OPRM1: variants seen among roughly 807,000 people sequenced by gnomAD.
The protein encoded by OPRM1 is mu-type opioid receptor.
Under a neutral mutation model 31.8 loss-of-function variants are expected in OPRM1, and 27 were observed. The ratio of observed to expected loss-of-function variants is 0.85; its 90% confidence interval spans 0.63 to 1.17. OPRM1 has a LOEUF of 1.17. Among genes scored for constraint, OPRM1 ranks in the 50% most tolerant of loss-of-function variants. The pLI is 0.00. For missense variants in OPRM1, 536 were observed against 511.1 expected, an observed-to-expected ratio of 1.05 and a Z score of -0.47; for synonymous variants, 196 against 189.9, an observed-to-expected ratio of 1.03 and a Z score of -0.26.
intron 1 of OPRM1, among the ~76,000 whole-genome samples, chr6:154,029,865 G>A (rs1477098849): frequency 2.0e-5 from 3 of 152,162 alleles, no homozygotes; most frequent in Non-Finnish European, 4.4e-5. Context: ...GCCATGTGAA[G>A]AAGGACATGT....
intron 3 of OPRM1, among the ~76,000 whole-genome samples, chr6:154,244,481 A>G (rs962939427): frequency 6.6e-6 from 1 of 152,212 alleles, no homozygotes; most frequent in Non-Finnish European, 1.5e-5. Flanking sequence ...ACTGTATTCA[A>G]GTACATGCTT....
intron 3 of OPRM1, chr6:154,107,621 A>T (rs764701984): frequency 1.4e-6 from 1 of 718,488 alleles, no homozygotes; most frequent in South Asian, 1.5e-5. Context: ...TTTAGAGCTG[A>T]CTATGACATG....
intron 1 of OPRM1, among the ~76,000 whole-genome samples, chr6:154,078,881 A>AG (rs1554266127): frequency 6.3e-5 from 9 of 143,300 alleles, no homozygotes; most frequent in African/African-American, 2.2e-4. Context: ...TTATGTCAGG[A>AG]GGGGGAAAAA....
chr6:154,123,439 A>G lies in OPRM1; in HGVS notation c.*4718A>G, dbSNP rs769564020. Reference sequence around the variant, plus strand: ...GGCTGCTCCATTTTTGCCTGTAGCTATGATTTTTCAGGCAGCCTGCTTCTC... The same window carrying G: ...GGCTGCTCCATTTTTGCCTGTAGCTGTGATTTTTCAGGCAGCCTGCTTCTC... On this transcript the variant is annotated 3_prime_UTR_variant, in exon 4 of 4. Coordinates refer to ENST00000330432, the MANE Select transcript of OPRM1 (RefSeq NM_000914.5). Among the ~76,000 whole-genome samples the G allele has an allele frequency of 1.2e-3, 182 of 152,286 alleles. No homozygotes were observed. The highest frequency in any genetic ancestry group is 1.3e-3 in the Non-Finnish European group (91 of 68,016).
chr6:154,245,975 A>G (rs537155161), intron 3 of OPRM1, among the ~76,000 whole-genome samples: 6 of 152,342 alleles, frequency 3.9e-5, no homozygotes, highest in African/African-American at 1.4e-4. Context: ...CTAGGCAACT[A>G]TCTTTTCAAA....
At chr6:154,197,004 G>T (rs1776673222) in intron 3 of OPRM1, among the ~76,000 whole-genome samples, 1 of 152,122 alleles carries the variant, frequency 6.6e-6, no homozygotes, top group Non-Finnish European at 1.5e-5. Context: ...CTGTCTGCTT[G>T]TTTCAGGACT....
chr6:154,014,352 A>T (rs1038833573), intron 1 of OPRM1, among the ~76,000 whole-genome samples: 2 of 152,174 alleles, frequency 1.3e-5, no homozygotes, highest in Admixed American at 6.5e-5. Flanking sequence ...ATTATGAGGG[A>T]TGGAAAAACA....
downstream of OPRM1, among the ~76,000 whole-genome samples, chr6:154,135,101 T>C (rs769819170): frequency 3.3e-5 from 5 of 152,352 alleles, no homozygotes; most frequent in Middle Eastern, 0.01. Flanking sequence ...ATGTGTACTA[T>C]GGAATTCACT....
At chr6:154,152,250 GAAAGAA>G in intron 3 of OPRM1, among the ~76,000 whole-genome samples, 1 of 124,696 alleles carries the variant, frequency 8.0e-6, no homozygotes, top group African/African-American at 3.5e-5. Context: ...AGAAAAAGAA[GAAAGAA>G]AAGAAAGAAA....
rs1780087087 is a variant in OPRM1 at position 154,041,640 on chromosome 6, T to TC, written c.290+1806_290+1807insC. ...CTCTCCTAGCTAACATATTTTTTTT[T>TC]TTTATTGTGCTGGCAAATCATGATT... On this transcript the variant is annotated intron_variant, in intron 1 of 3. Transcript: ENST00000330432. 3.3e-5 allele frequency among the ~76,000 whole-genome samples: 5 copies of TC among 152,258 alleles called. No homozygotes were observed. In the South Asian group the frequency reaches 1.0e-3, roughly 32 times the overall value.
rs59576607 is a variant in OPRM1, at chr6:154,129,852, G to GCA, written c.*11164_*11165dup. Among the ~76,000 whole-genome samples, 6,485 of 131,396 alleles carry GCA rather than the reference G, an allele frequency of 0.049. 289 individuals carry two copies. Among genetic ancestry groups the GCA allele is most frequent in the African/African-American group, 0.12 (4,339 of 35,790 alleles). 86.2% of individuals were successfully genotyped at this position (131,396 alleles called of 152,430 possible). A position where few individuals can be genotyped will look rare whatever the true frequency, so the allele number is the denominator to read the frequency against. ...TTACCACCGACACCCTCCCCCCCCAGCACACACACACACACACACACACAC... is the reference window on the plus strand; with the variant it reads ...TTACCACCGACACCCTCCCCCCCCAGCACACACACACACACACACACACACAC... On this transcript the variant is annotated 3_prime_UTR_variant, in exon 4 of 4. Coordinates refer to ENST00000330432, the MANE Select transcript of OPRM1 (RefSeq NM_000914.5).
chr6:154,233,122 C>T (rs1476033689), intron 3 of OPRM1, among the ~76,000 whole-genome samples: 1 of 152,056 alleles, frequency 6.6e-6, no homozygotes, highest in Non-Finnish European at 1.5e-5. Flanking sequence ...GCATGTGCCG[C>T]CACGCCCAGC....
At chr6:154,041,085 A>G (rs1779963949) in intron 1 of OPRM1, among the ~76,000 whole-genome samples, 1 of 152,138 alleles carries the variant, frequency 6.6e-6, no homozygotes, top group Admixed American at 6.5e-5. Context: ...GAGCTCTTAA[A>G]TCATTTAAGA....
rs573632992 is a variant in OPRM1, at chr6:154,121,216, C to T, written c.*2495C>T. 1.3e-5 allele frequency among the ~76,000 whole-genome samples: 2 copies of T among 152,126 alleles called. No individual in the cohort carries two copies. Among genetic ancestry groups the T allele is most frequent in the Non-Finnish European group, 2.9e-5 (2 of 67,998 alleles). On this transcript the variant is annotated 3_prime_UTR_variant, in exon 4 of 4. Transcript: ENST00000330432. ...AGAAATGCAGACTGTAGCTATGGGG[C>T]GGAAGCTTTGTTTCTTTACCTGATC...
At chr6:154,047,966 G>C (rs1226415423) in intron 1 of OPRM1, among the ~76,000 whole-genome samples, 5 of 152,148 alleles carry the variant, frequency 3.3e-5, no homozygotes, top group Non-Finnish European at 7.4e-5. Flanking sequence ...ACAAGGCAAA[G>C]AGGCAAGGAA....
At chr6:154,169,417 T>A (rs531649166) in intron 3 of OPRM1, among the ~76,000 whole-genome samples, 1 of 151,776 alleles carries the variant, frequency 6.6e-6, no homozygotes, top group Non-Finnish European at 1.5e-5. Context: ...AGTGGGGGAG[T>A]GATTCATCCT....
rs191610166 is a variant in OPRM1 at position 154,197,463 on chromosome 6, C to A, written c.1165-49230C>A. The stretch of plus-strand genomic sequence containing the variant: ...TTCTGTAGCATATGAGAACTGCCAA[C>A]AAATCAATGAGAGAAAAAAAATACT... On this transcript the variant is annotated intron_variant, in intron 3 of 3. Transcript: ENST00000337049. Among the ~76,000 whole-genome samples, 7 of 152,258 alleles carry A rather than the reference C, an allele frequency of 4.6e-5. No homozygotes were observed. In the East Asian group the frequency reaches 1.3e-3, roughly 29 times the overall value.
intron 1 of OPRM1, among the ~76,000 whole-genome samples, chr6:154,071,518 C>T (rs1319166743): frequency 6.6e-6 from 1 of 152,006 alleles, no homozygotes; most frequent in African/African-American, 2.4e-5. Context: ...TATCCATGCT[C>T]ACCAGCGAAA....
intron 3 of OPRM1, among the ~76,000 whole-genome samples, chr6:154,109,651 G>A (rs948843130): frequency 2.0e-5 from 3 of 152,134 alleles, no homozygotes; most frequent in Non-Finnish European, 2.9e-5. Context: ...ATGGTGGTCC[G>A]TGAATGAGAA....
Sources: gnomAD v4.1 joint callset for allele counts (sites outside exome capture counted in the v4.1 genomes callset) on GRCh38, gnomAD v4.1.1 for gene constraint, MANE v1.5 for transcripts, NCBI Gene and HGNC (gene_info 2026-07-23, HGNC 2026-07-21) for gene names.